Variants in TUSC3 observed in about 807,000 individuals in gnomAD.
The protein encoded by TUSC3 is tumor suppressor candidate 3, also known as dolichyl-diphosphooligosaccharide--protein glycosyltransferase subunit TUSC3.
TUSC3 carries 45 observed loss-of-function variants against 44.8 expected under a neutral mutation model. The observed-to-expected ratio is 1.00, with a 90% CI of 0.79 to 1.29. TUSC3 has a LOEUF of 1.29. Among genes scored for constraint, TUSC3 ranks in the 50% most tolerant of loss-of-function variants. The pLI is 0.00. For synonymous variants in TUSC3, 212 were observed against 152.9 expected, an observed-to-expected ratio of 1.39 and a Z score of -2.85; for missense variants, 519 against 437.9, an observed-to-expected ratio of 1.19 and a Z score of -1.65.
rs767795470 is a variant in TUSC3 at position 15,544,670 on chromosome 8, A to G, written c.138+4102A>G. Among the ~76,000 whole-genome samples the G allele has an allele frequency of 1.3e-4, 20 of 151,878 alleles. 1 individual carries two copies. Among genetic ancestry groups the G allele is most frequent in the South Asian group, 4.2e-4 (2 of 4,792 alleles). On this transcript the variant is annotated intron_variant, in intron 1 of 10. Transcript: ENST00000503731. ...AGAGACTTTACTATCTTAGCAAATG[A>G]TAAAAGGGGAGAGGAGGGAGGTAAG...
chr8:15,649,361 G>C (rs1168073682), intron 2 of TUSC3, among the ~76,000 whole-genome samples: 1 of 151,898 alleles, frequency 6.6e-6, no homozygotes, highest in African/African-American at 2.4e-5. Context: ...GAGGCGGGCA[G>C]ATCACGAGGT....
Position 15,674,312 on chromosome 8 carries a change from G to A in TUSC3, c.798+476G>A, listed in dbSNP as rs140928558. ...GTGAAATTGATATGTTGTTACATTAGTAGCAGAGTTTACGTTAGTAACTGC... is the reference window on the plus strand; with the variant it reads ...GTGAAATTGATATGTTGTTACATTAATAGCAGAGTTTACGTTAGTAACTGC... On this transcript the variant is annotated intron_variant, in intron 6 of 10. Coordinates refer to ENST00000503731, the MANE Select transcript of TUSC3 (RefSeq NM_006765.4). 2.6e-3 allele frequency among the ~76,000 whole-genome samples: 400 copies of A among 152,070 alleles called. 2 individuals are homozygous for A. Among genetic ancestry groups the A allele is most frequent in the African/African-American group, 9.3e-3 (385 of 41,514 alleles).
chr8:15,428,257 A>G (rs1449755628), intron 1 of TUSC3, among the ~76,000 whole-genome samples: 1 of 151,272 alleles, frequency 6.6e-6, no homozygotes, highest in African/African-American at 2.4e-5. Flanking sequence ...GCTGAGAATG[A>G]TGGGTTCCAG....
rs182741014 is a variant in TUSC3 at position 15,684,935 on chromosome 8, G to A, written c.798+11099G>A. Among the ~76,000 whole-genome samples, 40 of 152,296 alleles carry A rather than the reference G, an allele frequency of 2.6e-4. No homozygotes were observed. The East Asian group carries it at 6.6e-3, about 25-fold the overall frequency. On this transcript the variant is annotated intron_variant, in intron 6 of 10. Transcript: ENST00000503731. ...TTCTGCAAGATCGTTCAGGCAGGCA[G>A]GCTTAGGAGGGGCCACGGGGTTACA...
chr8:15,606,572 T>G (rs1431572381), intron 1 of TUSC3, among the ~76,000 whole-genome samples: 1 of 152,088 alleles, frequency 6.6e-6, no homozygotes, highest in Non-Finnish European at 1.5e-5. Flanking sequence ...TTCTTGTAGG[T>G]AAGTCTGTTT....
chr8:15,591,862 C>G (rs1287239872), intron 1 of TUSC3, among the ~76,000 whole-genome samples: 1 of 152,050 alleles, frequency 6.6e-6, no homozygotes, highest in African/African-American at 2.4e-5. Context: ...TTTTAAGTGC[C>G]AAGAGTAGAT....
At chr8:15,471,839 A>G (rs972972485) in intron 1 of TUSC3, among the ~76,000 whole-genome samples, 1 of 152,136 alleles carries the variant, frequency 6.6e-6, no homozygotes, top group Non-Finnish European at 1.5e-5. Context: ...GCTGGTCTCG[A>G]ACTCCTGACC....
chr8:15,797,123 C>T, the TUSC3 span, among the ~76,000 whole-genome samples: 1 of 152,158 alleles, frequency 6.6e-6, no homozygotes, highest in South Asian at 2.1e-4. Context: ...ATCAGAGGCA[C>T]AAAGTAGCAA....
rs569740719 is a variant in TUSC3 at position 15,581,954 on chromosome 8, C to T, written c.139-41126C>T. 4.0e-5 allele frequency among the ~76,000 whole-genome samples: 6 copies of T among 149,450 alleles called. No homozygotes were observed. The East Asian group carries it at 5.9e-4, about 15-fold the overall frequency. On this transcript the variant is annotated intron_variant, in intron 1 of 10. Transcript: ENST00000503731. ...GATCTCAGACTGCTGTGCTAGCAGT[C>T]AGCGAGATTCCGTGGGCGTAGGACC...
At chr8:15,534,724 G>GC (rs1209578258) in intron 2 of TUSC3, among the ~76,000 whole-genome samples, 2 of 151,782 alleles carry the variant, frequency 1.3e-5, no homozygotes, top group Non-Finnish European at 2.9e-5. Context: ...GAATCCAGCA[G>GC]CCTCCAGAAT....
intron 6 of TUSC3, among the ~76,000 whole-genome samples, chr8:15,716,796 A>G (rs964729167): frequency 9.2e-5 from 14 of 152,130 alleles, no homozygotes; most frequent in African/African-American, 2.4e-4. Flanking sequence ...CATTTACTAT[A>G]TAGTTATTTA....
chr8:15,677,163 C>T (rs1184738130), intron 6 of TUSC3, among the ~76,000 whole-genome samples: 1 of 152,066 alleles, frequency 6.6e-6, no homozygotes. Context: ...GACACTGTGC[C>T]TGGCCTTTGT....
intron 2 of TUSC3, among the ~76,000 whole-genome samples, chr8:15,523,866 G>A (rs1017528637): frequency 4.0e-5 from 6 of 151,190 alleles, no homozygotes; most frequent in East Asian, 1.9e-4. Context: ...GACCATCCTC[G>A]CCAACATGGT....
At chr8:15,698,602 C>A (rs889025112) in intron 6 of TUSC3, among the ~76,000 whole-genome samples, 2 of 152,050 alleles carry the variant, frequency 1.3e-5, no homozygotes, top group Admixed American at 1.3e-4. Flanking sequence ...ATTGTTTATA[C>A]TATTACATCT....
intron 3 of TUSC3, among the ~76,000 whole-genome samples, chr8:15,658,489 T>C (rs1585201148): frequency 6.6e-6 from 1 of 152,084 alleles, no homozygotes; most frequent in African/African-American, 2.4e-5. Flanking sequence ...TAATGTATAT[T>C]TATATATTGA....
intron 3 of TUSC3, among the ~76,000 whole-genome samples, chr8:15,655,721 C>G (rs1807131911): frequency 6.6e-6 from 1 of 152,150 alleles, no homozygotes; most frequent in Non-Finnish European, 1.5e-5. Context: ...CTGCAGACCT[C>G]CAGGGATTCA....
At chr8:15,500,253 C>A (rs954565445) in intron 2 of TUSC3, among the ~76,000 whole-genome samples, 1 of 152,146 alleles carries the variant, frequency 6.6e-6, no homozygotes, top group East Asian at 1.9e-4. Flanking sequence ...TATCAAGAAT[C>A]TTGACAGAAG....
chr8:15,781,860 C>T, the TUSC3 span, among the ~76,000 whole-genome samples: 3 of 152,132 alleles, frequency 2.0e-5, no homozygotes, highest in Non-Finnish European at 2.9e-5. Flanking sequence ...TGGATGGGCA[C>T]GGTGGCTCAT....
the TUSC3 span, chr8:15,806,535 T>C: frequency 7.1e-7 from 1 of 1,400,860 alleles, no homozygotes; most frequent in East Asian, 2.3e-5. Context: ...AGCCTGGATC[T>C]TACAAAATCA....
Sources: gnomAD v4.1 joint callset for allele counts (sites outside exome capture counted in the v4.1 genomes callset) on GRCh38, gnomAD v4.1.1 for gene constraint, MANE v1.5 for transcripts, NCBI Gene and HGNC (gene_info 2026-07-23, HGNC 2026-07-21) for gene names.